RALYL: variants seen among roughly 807,000 people sequenced by gnomAD.
RALYL encodes RALY RNA binding protein like, also known as RNA-binding Raly-like protein.
A neutral mutation model predicts 35.1 loss-of-function variants in RALYL; 29 were observed. The ratio of observed to expected loss-of-function variants is 0.83; its 90% confidence interval spans 0.61 to 1.13. The LOEUF (loss-of-function observed/expected upper bound fraction) is 1.13, where lower values mean the gene tolerates loss of function less well. RALYL is among the 50% of genes most tolerant of loss of function. RALYL has a pLI of 0.00. For synonymous variants in RALYL, 120 were observed against 127.6 expected, an observed-to-expected ratio of 0.94 and a Z score of 0.40; for missense variants, 359 against 360.4, an observed-to-expected ratio of 1.00 and a Z score of 0.03.
intron 2 of RALYL, among the ~76,000 whole-genome samples, chr8:84,575,148 T>G (rs1809022506): frequency 6.6e-6 from 1 of 152,204 alleles, no homozygotes; most frequent in South Asian, 2.1e-4. Context: ...CTTTTCTATT[T>G]ATTTCAGTGC....
chr8:84,342,350 T>C (rs945138902), intron 1 of RALYL, among the ~76,000 whole-genome samples: 8 of 137,272 alleles, frequency 5.8e-5, no homozygotes, highest in Non-Finnish European at 1.2e-4. Context: ...CAGCCAGGCC[T>C]ACACACATTA....
At chr8:84,547,708 C>T (rs953314646) in intron 2 of RALYL, among the ~76,000 whole-genome samples, 1 of 152,056 alleles carries the variant, frequency 6.6e-6, no homozygotes, top group Non-Finnish European at 1.5e-5. Context: ...CTAGGAAGAC[C>T]TTTTCATTGT....
intron 8 of RALYL, among the ~76,000 whole-genome samples, chr8:84,905,075 C>T (rs192025480): frequency 8.2e-4 from 124 of 152,126 alleles, no homozygotes; most frequent in African/African-American, 2.8e-3. Flanking sequence ...AACTTTATGC[C>T]CACTTATTAG....
At chr8:84,269,267 T>G (rs1833869799) in intron 1 of RALYL, among the ~76,000 whole-genome samples, 1 of 152,150 alleles carries the variant, frequency 6.6e-6, no homozygotes, top group Non-Finnish European at 1.5e-5. Flanking sequence ...CTAATTAATT[T>G]GAAATTTATG....
chr8:84,705,499 T>C (rs146118198), intron 2 of RALYL, among the ~76,000 whole-genome samples: 27 of 152,262 alleles, frequency 1.8e-4, no homozygotes, highest in Non-Finnish European at 3.7e-4. Context: ...AAAACTAAAA[T>C]TGAGAATTGC....
At chr8:84,418,663 T>C (rs934084586) in intron 1 of RALYL, among the ~76,000 whole-genome samples, 1 of 152,174 alleles carries the variant, frequency 6.6e-6, no homozygotes, top group Non-Finnish European at 1.5e-5. Flanking sequence ...AATCATTCCA[T>C]TGTTAGAATG....
intron 1 of RALYL, among the ~76,000 whole-genome samples, chr8:84,337,430 G>A (rs1359018356): frequency 6.6e-6 from 1 of 151,702 alleles, no homozygotes; most frequent in Non-Finnish European, 1.5e-5. Context: ...AGAATTGAGT[G>A]CAAAAAAGCT....
At chr8:84,262,826 A>C (rs1188939743) in intron 1 of RALYL, among the ~76,000 whole-genome samples, 1 of 152,162 alleles carries the variant, frequency 6.6e-6, no homozygotes, top group Non-Finnish European at 1.5e-5. Context: ...TGCAGTAAAG[A>C]GTAGATTTTA....
chr8:84,464,133 T>G lies in RALYL; in HGVS notation c.-23-65166T>G, dbSNP rs542301052. Among the ~76,000 whole-genome samples, 3 of 103,622 alleles carry G rather than the reference T, an allele frequency of 2.9e-5. No homozygotes were observed. The South Asian group carries it at 1.2e-3, about 43-fold the overall frequency. 68.0% of individuals were successfully genotyped at this position (103,622 alleles called of 152,430 possible). The stretch of plus-strand genomic sequence containing the variant: ...ATTATTTAAAAACATTAAAACAAGT[T>G]TTTTTTTTGTTTTTTTTTTTATTAT... On this transcript the variant is annotated intron_variant, in intron 1 of 8. Transcript: ENST00000521268.
chr8:84,664,346 A>G (rs1831543503), intron 2 of RALYL, among the ~76,000 whole-genome samples: 1 of 142,138 alleles, frequency 7.0e-6, no homozygotes, highest in Non-Finnish European at 1.5e-5. Context: ...ATTTTAAAAT[A>G]GGTTTTTTCT....
At chr8:84,306,813 A>G (rs1171872758) in intron 1 of RALYL, among the ~76,000 whole-genome samples, 1 of 152,224 alleles carries the variant, frequency 6.6e-6, no homozygotes, top group Admixed American at 6.5e-5. Context: ...CTTCATCCTG[A>G]AGAGGTCAAG....
intron 2 of RALYL, among the ~76,000 whole-genome samples, chr8:84,693,520 T>C (rs534313190): frequency 1.7e-4 from 26 of 151,976 alleles, no homozygotes; most frequent in Non-Finnish European, 2.9e-4. Flanking sequence ...GGAAAAACAA[T>C]TGAAGATGAG....
At chr8:84,376,168 CTT>C (rs1357334006) in intron 1 of RALYL, among the ~76,000 whole-genome samples, 3 of 151,766 alleles carry the variant, frequency 2.0e-5, no homozygotes, top group Non-Finnish European at 4.4e-5. Context: ...AGAAAATTGA[CTT>C]ATACTCAAGG....
chr8:84,475,035 T>C (rs1044502548), intron 1 of RALYL, among the ~76,000 whole-genome samples: 3 of 152,042 alleles, frequency 2.0e-5, no homozygotes, highest in Admixed American at 1.3e-4. Flanking sequence ...ACATTAGGTA[T>C]TTCTCCTAAT....
intron 1 of RALYL, among the ~76,000 whole-genome samples, chr8:84,310,952 C>G (rs946636580): frequency 1.4e-5 from 2 of 139,392 alleles, no homozygotes; most frequent in African/African-American, 5.5e-5. Context: ...GAGGCTGAGG[C>G]AGGAGAATGG....
At chr8:84,899,438 G>A (rs1012755655) in intron 8 of RALYL, among the ~76,000 whole-genome samples, 1 of 152,008 alleles carries the variant, frequency 6.6e-6, no homozygotes, top group Non-Finnish European at 1.5e-5. Context: ...AAAGAGAGAG[G>A]AAAATGTCCT....
intron 1 of RALYL, among the ~76,000 whole-genome samples, chr8:84,337,121 C>T (rs1221544743): frequency 2.6e-5 from 4 of 151,386 alleles, no homozygotes; most frequent in South Asian, 2.1e-4. Flanking sequence ...TACATTTTTA[C>T]TTGAAGCCTA....
chr8:84,267,074 G>A (rs146548551), intron 1 of RALYL, among the ~76,000 whole-genome samples: 1 of 151,848 alleles, frequency 6.6e-6, no homozygotes, highest in African/African-American at 2.4e-5. Context: ...CTTAAGCAGC[G>A]GATGTGCTCA....
chr8:84,387,119 A>G (rs945177791), intron 1 of RALYL, among the ~76,000 whole-genome samples: 1 of 151,920 alleles, frequency 6.6e-6, no homozygotes, highest in African/African-American at 2.4e-5. Flanking sequence ...TGGAAGGATT[A>G]GAGGTAATGT....
Sources: gnomAD v4.1 joint callset for allele counts (sites outside exome capture counted in the v4.1 genomes callset) on GRCh38, gnomAD v4.1.1 for gene constraint, MANE v1.5 for transcripts, NCBI Gene and HGNC (gene_info 2026-07-23, HGNC 2026-07-21) for gene names.